CHST8: variants seen among roughly 807,000 people sequenced by gnomAD.
CHST8 encodes the protein GALNAC-4-ST1.
CHST8 carries 10 observed loss-of-function variants against 15.0 expected under a neutral mutation model. The observed-to-expected ratio is 0.67, with a 90% CI of 0.41 to 1.13. The LOEUF (loss-of-function observed/expected upper bound fraction) is 1.13. CHST8 is among the 50% of genes most tolerant of loss of function. The probability of loss-of-function intolerance (pLI) is 0.00; values close to 1 mark genes in which losing one functional copy is unlikely to be tolerated. For missense variants in CHST8, 634 were observed against 608.2 expected (o/e 1.04, Z -0.45); for synonymous variants, 259 against 256.6 (o/e 1.01, Z -0.09).
Position 33,742,518 on chromosome 19 carries a change from T to C in CHST8, c.131-28895T>C, listed in dbSNP as rs193123682. On this transcript the variant is annotated intron_variant, in intron 3 of 4. Transcript: ENST00000650847. ...CAGAGCAAGAACTCGCTCATTACCA[T>C]GGGGAGGGCAACAAGCCATTCATGA... 3.0e-4 allele frequency among the ~76,000 whole-genome samples: 45 copies of C among 152,258 alleles called. No individual in the cohort carries two copies. In the East Asian group the frequency reaches 8.1e-3, roughly 27 times the overall value.
chr19:33,624,836 C>T (rs759120273), intron 1 of CHST8, among the ~76,000 whole-genome samples: 1 of 152,108 alleles, frequency 6.6e-6, no homozygotes, highest in Non-Finnish European at 1.5e-5. Context: ...TTAGTGAGTG[C>T]GGCTGTGCTT....
intron 3 of CHST8, among the ~76,000 whole-genome samples, chr19:33,715,978 T>C (rs780026500): frequency 1.3e-5 from 2 of 152,222 alleles, no homozygotes; most frequent in Non-Finnish European, 2.9e-5. Flanking sequence ...ACACATGCAA[T>C]GTTGCAAGCC....
chr19:33,749,080 T>G (rs2145353169), intron 3 of CHST8, among the ~76,000 whole-genome samples: 1 of 152,246 alleles, frequency 6.6e-6, no homozygotes, highest in South Asian at 2.1e-4. Flanking sequence ...GGAGAGGCCC[T>G]GGTGGGCAGA....
At chr19:33,662,141 C>A (rs1444694702) in intron 1 of CHST8, among the ~76,000 whole-genome samples, 1 of 152,102 alleles carries the variant, frequency 6.6e-6, no homozygotes, top group African/African-American at 2.4e-5. Context: ...AGTGCAGTGG[C>A]ATGACCTCGG....
chr19:33,763,287 A>T (rs1281791641), intron 3 of CHST8, among the ~76,000 whole-genome samples: 13 of 152,214 alleles, frequency 8.5e-5, no homozygotes. Flanking sequence ...GCCAAAGGTC[A>T]CTGTGACTGA....
At chr19:33,658,979 A>G (rs1404720013) in intron 1 of CHST8, among the ~76,000 whole-genome samples, 1 of 151,968 alleles carries the variant, frequency 6.6e-6, no homozygotes, top group East Asian at 1.9e-4. Context: ...CTTTTCTACT[A>G]AAAACAATGC....
Position 33,773,234 on chromosome 19 carries a change from G to A in CHST8, c.*171G>A. ...GTGGGGGGCAGAGGCGCCCAGCCTTGGATGGGGACCCCAGCCCCTGGCCTG... is the reference window on the plus strand; with the variant it reads ...GTGGGGGGCAGAGGCGCCCAGCCTTAGATGGGGACCCCAGCCCCTGGCCTG... On this transcript the variant is annotated 3_prime_UTR_variant, in exon 5 of 5. Coordinates refer to ENST00000650847, the MANE Select transcript of CHST8 (RefSeq NM_001127895.2). The A allele has an allele frequency of 5.5e-6, 4 of 721,998 alleles. No homozygotes were observed. The highest frequency in any genetic ancestry group is 8.9e-6 in the Non-Finnish European group (4 of 450,894). 44.7% of individuals were successfully genotyped at this position (721,998 alleles called of 1,614,324 possible). A position where few individuals can be genotyped will look rare whatever the true frequency, so the allele number is the denominator to read the frequency against.
At position 33,772,906 on chromosome 19, in the gene CHST8, T is replaced by C. The variant is rs1975037169; in HGVS notation, c.1118T>C (p.Phe373Ser). The change falls in exon 5 of 5, where the codon TTC becomes TCC. Residue 373 changes from phenylalanine (F) to serine (S), a missense_variant. Phe to Ser is a radical substitution (Grantham distance 155). Transcript: ENST00000650847. ...CCGCGGAACCTGACCTTCCCCCGGT[T>C]CAAGGACCGGCACTCGCAGGAGGCG... ...RAPRNLTFPR[F>S]KDRHSQEART... is the part of the protein sequence containing the mutation. 1 of 1,613,374 alleles carries C rather than the reference T, an allele frequency of 6.2e-7. No homozygotes were observed. Among genetic ancestry groups the C allele is most frequent in the African/African-American group, 1.3e-5 (1 of 74,954 alleles).
rs141205536 is a variant in CHST8 at position 33,739,575 on chromosome 19, C to T, written c.131-31838C>T. ...ACTTTTTGCTTCAAATCACAGTGTG[C>T]GACTCGAGTGGTTGATATCTCACTG... On this transcript the variant is annotated intron_variant, in intron 3 of 4. Coordinates refer to ENST00000650847, the MANE Select transcript of CHST8 (RefSeq NM_001127895.2). 7.9e-4 allele frequency among the ~76,000 whole-genome samples: 121 copies of T among 152,304 alleles called. 1 individual carries two copies. Among genetic ancestry groups the T allele is most frequent in the African/African-American group, 2.8e-3 (117 of 41,556 alleles).
rs182689329 is a variant in CHST8 at position 33,672,197 on chromosome 19, T to G, written c.-87+4354T>G. On this transcript the variant is annotated intron_variant, in intron 2 of 4. Transcript: ENST00000650847. ...CATTGAAAGTATTTCTTTTCTTTTTTTGTGTGTGTGTGTGGTGGGGTATAG... is the reference window on the plus strand; with the variant it reads ...CATTGAAAGTATTTCTTTTCTTTTTGTGTGTGTGTGTGTGGTGGGGTATAG... Among the ~76,000 whole-genome samples the G allele has an allele frequency of 2.8e-3, 383 of 135,316 alleles. 4 individuals are homozygous for G. The highest frequency in any genetic ancestry group is 0.013 in the South Asian group (56 of 4,454). 88.8% of individuals were successfully genotyped at this position (135,316 alleles called of 152,430 possible).
chr19:33,648,586 T>G (rs2145207616), intron 1 of CHST8, among the ~76,000 whole-genome samples: 1 of 152,294 alleles, frequency 6.6e-6, no homozygotes, highest in Non-Finnish European at 1.5e-5. Flanking sequence ...TTAAAAAAAT[T>G]AAAGTTGACT....
intron 2 of CHST8, among the ~76,000 whole-genome samples, chr19:33,678,090 G>A (rs1332826215): frequency 6.6e-6 from 1 of 152,142 alleles, no homozygotes; most frequent in Non-Finnish European, 1.5e-5. Context: ...GTCAGGAGAG[G>A]GAGGAAGTGT....
At chr19:33,650,518 CTTTTTTTTTTTT>C (rs869057036) in intron 1 of CHST8, among the ~76,000 whole-genome samples, 1 of 36,070 alleles carries the variant, frequency 2.8e-5, no homozygotes, top group Non-Finnish European at 4.8e-5. Context: ...TTTTTCTTTT[CTTTTTTTTTTTT>C]TTTTTTTTTT....
chr19:33,751,436 A>G (rs1321500722), intron 3 of CHST8, among the ~76,000 whole-genome samples: 5 of 152,260 alleles, frequency 3.3e-5, no homozygotes, highest in Non-Finnish European at 5.9e-5. Context: ...CTTGCCAGTG[A>G]GCAGGCATAG....
intron 1 of CHST8, among the ~76,000 whole-genome samples, chr19:33,636,366 C>A (rs931058570): frequency 1.3e-5 from 2 of 152,100 alleles, no homozygotes; most frequent in African/African-American, 2.4e-5. Context: ...CCTAAATCGC[C>A]CTTGCCTTGA....
intron 3 of CHST8, among the ~76,000 whole-genome samples, chr19:33,716,629 A>G (rs1973670520): frequency 6.6e-6 from 1 of 152,144 alleles, no homozygotes. Context: ...TGGCCTCTCA[A>G]GGTGCTGGAA....
In CHST8 at chr19:33,733,712, C is replaced by A. The variant is rs150702249; in HGVS notation, c.131-37701C>A. Among the ~76,000 whole-genome samples the A allele has an allele frequency of 8.5e-5, 13 of 152,338 alleles. No individual in the cohort carries two copies. The East Asian group carries it at 1.4e-3, about 16-fold the overall frequency. ...TATGGCATCCTAAACCCCCTCTCTG[C>A]ATAAATTGGGGTGTAACAGATAGAT... is the stretch of plus-strand genomic sequence containing the variant. On this transcript the variant is annotated intron_variant, in intron 3 of 4. Transcript: ENST00000650847.
intron 3 of CHST8, among the ~76,000 whole-genome samples, chr19:33,705,234 A>C (rs1457437533): frequency 1.3e-5 from 2 of 152,204 alleles, no homozygotes; most frequent in Non-Finnish European, 2.9e-5. Flanking sequence ...CCATGAAGCC[A>C]GACCCCAAGC....
chr19:33,721,408 G>A (rs904416838), intron 3 of CHST8, among the ~76,000 whole-genome samples: 2 of 152,186 alleles, frequency 1.3e-5, no homozygotes, highest in Non-Finnish European at 2.9e-5. Flanking sequence ...CACAGGGTGT[G>A]CAGGGCCTAA....
Sources: gnomAD v4.1 joint callset for allele counts (sites outside exome capture counted in the v4.1 genomes callset) on GRCh38, gnomAD v4.1.1 for gene constraint, MANE v1.5 for transcripts, NCBI Gene and HGNC (gene_info 2026-07-23, HGNC 2026-07-21) for gene names.